The following KLHL2 variants were observed in gnomAD, a reference collection of about 807,000 sequenced individuals.
The protein encoded by KLHL2 is kelch like family member 2.
KLHL2 carries 15 observed loss-of-function variants against 75.8 expected under a neutral mutation model. That is an observed-to-expected ratio of 0.20 (90% CI 0.13 to 0.30). The LOEUF (loss-of-function observed/expected upper bound fraction) is 0.30, where lower values mean the gene tolerates loss of function less well. Among genes scored for constraint, KLHL2 ranks in the 10% least tolerant of loss-of-function variants. The probability of loss-of-function intolerance (pLI) is 1.00; values close to 1 mark genes in which losing one functional copy is unlikely to be tolerated. For missense variants in KLHL2, 381 were observed against 741.0 expected, an observed-to-expected ratio of 0.51 and a Z score of 5.64; for synonymous variants, 214 against 251.9, an observed-to-expected ratio of 0.85 and a Z score of 1.42.
chr4:165,214,982 A>G (rs1245578358), intron 1 of KLHL2, among the ~76,000 whole-genome samples: 2 of 152,150 alleles, frequency 1.3e-5, no homozygotes, highest in African/African-American at 2.4e-5. Context: ...TCAGTTCTAC[A>G]TACTGAAGAC....
intron 1 of KLHL2, among the ~76,000 whole-genome samples, chr4:165,208,895 C>G (rs537047754): frequency 1.4e-4 from 22 of 152,120 alleles, no homozygotes; most frequent in African/African-American, 5.1e-4. Context: ...CACTCCATGC[C>G]GATTGTACCG....
intron 4 of KLHL2, among the ~76,000 whole-genome samples, chr4:165,253,301 T>G (rs1299062008): frequency 6.6e-6 from 1 of 152,220 alleles, no homozygotes; most frequent in Non-Finnish European, 1.5e-5. Context: ...CCCAAAGTGC[T>G]GGGATTACAG....
At chr4:165,275,694 G>A (rs1448696975) in intron 5 of KLHL2, among the ~76,000 whole-genome samples, 2 of 152,132 alleles carry the variant, frequency 1.3e-5, no homozygotes, top group Non-Finnish European at 2.9e-5. Context: ...CTCCTGCCTT[G>A]GCTTCCCAGA....
chr4:165,287,466 A>ATAT (rs1744180165), intron 5 of KLHL2, among the ~76,000 whole-genome samples: 1 of 152,204 alleles, frequency 6.6e-6, no homozygotes, highest in Non-Finnish European at 1.5e-5. Context: ...GGGTGTACAA[A>ATAT]TATGTCTTCA....
At chr4:165,215,220 A>G (rs1031532861) in intron 1 of KLHL2, among the ~76,000 whole-genome samples, 4 of 152,222 alleles carry the variant, frequency 2.6e-5, no homozygotes, top group African/African-American at 9.6e-5. Flanking sequence ...TTTCCAACTG[A>G]GAAAGTCTTC....
rs764874353 is a variant in KLHL2 at position 165,319,148 on chromosome 4, T to A, written c.1753+1179T>A. ...TAATTTTATAGCCGTCTCCTGTTGC[T>A]GTATTGGTGAGCTCAGCTGTTGTGA... On this transcript the variant is annotated intron_variant, in intron 14 of 14. Transcript: ENST00000226725. This position sits in a 1 kb window ranked among gnomAD's most constrained non-coding sequence, Gnocchi z 4.5. 5.9e-5 allele frequency among the ~76,000 whole-genome samples: 9 copies of A among 152,232 alleles called. No individual in the cohort carries two copies. The highest frequency in any genetic ancestry group is 1.2e-4 in the African/African-American group (5 of 41,456).
Position 165,226,511 on chromosome 4 carries a change from G to GT in KLHL2, c.153-2295dup, listed in dbSNP as rs2111022884. On this transcript the variant is annotated intron_variant, in intron 2 of 14. Coordinates refer to ENST00000226725, the MANE Select transcript of KLHL2 (RefSeq NM_007246.4). ...GCCTTTCCATAACATCTTTATTACG[G>GT]TGCTTTCCACTTTATCCTATAATTT... 2.0e-5 allele frequency among the ~76,000 whole-genome samples: 3 copies of GT among 152,020 alleles called. No individual in the cohort carries two copies. The East Asian group carries it at 5.8e-4, about 29-fold the overall frequency.
chr4:165,289,336 A>G (rs1373745363), intron 5 of KLHL2, among the ~76,000 whole-genome samples: 1 of 152,164 alleles, frequency 6.6e-6, no homozygotes, highest in Non-Finnish European at 1.5e-5. Context: ...TAAGAATGTA[A>G]ACATTAGATA....
At chr4:165,275,112 ATT>A (rs1742980615) in intron 5 of KLHL2, among the ~76,000 whole-genome samples, 1 of 151,012 alleles carries the variant, frequency 6.6e-6, no homozygotes, top group African/African-American at 2.4e-5. Flanking sequence ...ATTTTATTTT[ATT>A]TTATTTTATT....
chr4:165,238,075 G>C (rs1246451014), intron 3 of KLHL2, among the ~76,000 whole-genome samples: 1 of 152,156 alleles, frequency 6.6e-6, no homozygotes. Flanking sequence ...CCTGGTTTTA[G>C]TAATAAAGCT....
intron 9 of KLHL2, among the ~76,000 whole-genome samples, chr4:165,306,441 A>G (rs944022465): frequency 1.3e-5 from 2 of 152,244 alleles, no homozygotes; most frequent in African/African-American, 2.4e-5. Context: ...GTTATAAACA[A>G]TGCTACAACA....
At chr4:165,262,578 G>GTTGTA in intron 4 of KLHL2, among the ~76,000 whole-genome samples, 1 of 151,966 alleles carries the variant, frequency 6.6e-6, no homozygotes, top group South Asian at 2.1e-4. Context: ...TTTTGTTGTT[G>GTTGTA]TTGTTTTGTT....
intron 4 of KLHL2, among the ~76,000 whole-genome samples, chr4:165,239,762 C>T (rs1739659103): frequency 6.6e-6 from 1 of 152,212 alleles, no homozygotes; most frequent in South Asian, 2.1e-4. Flanking sequence ...GAACCTACCC[C>T]AGTCCACATA....
At chr4:165,264,704 G>GTGTGTATA (rs1323043527) in intron 5 of KLHL2, among the ~76,000 whole-genome samples, 25 of 82,770 alleles carry the variant, frequency 3.0e-4, no homozygotes, top group East Asian at 4.7e-4. Context: ...GTGTGTGTGT[G>GTGTGTATA]TATATATATA....
In KLHL2 at chr4:165,264,603, T is replaced by C. The variant is rs1313731028; in HGVS notation, c.544+1244T>C. 6.4e-5 allele frequency among the ~76,000 whole-genome samples: 8 copies of C among 124,538 alleles called. No homozygotes were observed. The East Asian group carries it at 1.5e-3, about 23-fold the overall frequency. 81.7% of individuals were successfully genotyped at this position (124,538 alleles called of 152,430 possible). On this transcript the variant is annotated intron_variant, in intron 5 of 14. Coordinates refer to ENST00000226725, the MANE Select transcript of KLHL2 (RefSeq NM_007246.4). ...ATTCCATCATATATATATATATATA[T>C]ATACACACACACACGTACGTATATA...
chr4:165,209,092 T>G (rs534639914), intron 1 of KLHL2, among the ~76,000 whole-genome samples: 1 of 152,206 alleles, frequency 6.6e-6, no homozygotes, highest in Non-Finnish European at 1.5e-5. Context: ...AGGGGGTAGA[T>G]AAGACTCTTG....
intron 1 of KLHL2, among the ~76,000 whole-genome samples, chr4:165,212,759 ATCTC>A (rs1187002057): frequency 1.3e-5 from 2 of 152,170 alleles, no homozygotes; most frequent in Non-Finnish European, 2.9e-5. Flanking sequence ...TGGGATTCTA[ATCTC>A]TCTGTTGTAT....
At chr4:165,296,446 C>T (rs556397081) in intron 6 of KLHL2, among the ~76,000 whole-genome samples, 11 of 152,350 alleles carry the variant, frequency 7.2e-5, no homozygotes, top group African/African-American at 2.2e-4. Context: ...TTAAGACCTA[C>T]CTTCAGAAAT....
intron 5 of KLHL2, among the ~76,000 whole-genome samples, chr4:165,268,657 A>G (rs1258553546): frequency 2.0e-5 from 3 of 152,114 alleles, no homozygotes; most frequent in African/African-American, 7.2e-5. Context: ...TTCTAATTTG[A>G]TTGCACTGTG....
Sources: allele counts gnomAD v4.1 joint callset (sites outside exome capture counted in the v4.1 genomes callset), GRCh38; gene constraint gnomAD v4.1.1; non-coding constraint Gnocchi (gnomAD v3.1); transcripts MANE v1.5; gene names NCBI Gene and HGNC (gene_info 2026-07-23, HGNC 2026-07-21).